The following IPO11 variants were observed in gnomAD, a reference collection of about 807,000 sequenced individuals.
The protein encoded by IPO11 is importin 11, also known as importin-11.
IPO11 carries 66 observed loss-of-function variants against 143.2 expected under a neutral mutation model. The ratio of observed to expected loss-of-function variants is 0.46; its 90% CI spans 0.38 to 0.57. IPO11 has a LOEUF of 0.57. Ranked by LOEUF, IPO11 falls within the 20% of genes least tolerant of loss-of-function variation. The pLI, the probability that IPO11 is intolerant of heterozygous loss-of-function variation, is 0.00. For synonymous variants in IPO11, 385 were observed against 377.8 expected, an observed-to-expected ratio of 1.02 and a Z score of -0.22; for missense variants, 1,026 against 1,141.0, an observed-to-expected ratio of 0.90 and a Z score of 1.45.
At chr5:62,440,010 A>G (rs1744407420) in intron 2 of IPO11, among the ~76,000 whole-genome samples, 1 of 152,216 alleles carries the variant, frequency 6.6e-6, no homozygotes, top group Non-Finnish European at 1.5e-5. Flanking sequence ...GAGATCCACC[A>G]ACTTCCACAA....
intron 27 of IPO11, among the ~76,000 whole-genome samples, chr5:62,588,868 T>C (rs1190841915): frequency 6.6e-6 from 1 of 152,210 alleles, no homozygotes; most frequent in African/African-American, 2.4e-5. Flanking sequence ...CTTTTTGTCT[T>C]TGGTCAAGGC....
intron 21 of IPO11, among the ~76,000 whole-genome samples, chr5:62,527,758 GA>G (rs1281229123): frequency 6.6e-6 from 1 of 152,120 alleles, no homozygotes; most frequent in Non-Finnish European, 1.5e-5. Flanking sequence ...ATTATTAGGA[GA>G]AAATTTTTTT....
At chr5:62,514,913 A>ACTTT (rs141465222) in intron 19 of IPO11, among the ~76,000 whole-genome samples, 5,927 of 152,080 alleles carry the variant, frequency 0.039, 181 homozygotes, top group Non-Finnish European at 0.057. Context: ...TCATCATTGC[A>ACTTT]CTTCCCCTTT....
intron 29 of IPO11, among the ~76,000 whole-genome samples, chr5:62,604,870 A>G (rs1175063549): frequency 6.6e-6 from 1 of 152,188 alleles, no homozygotes; most frequent in East Asian, 1.9e-4. Flanking sequence ...AATACATGCT[A>G]ATTTTCCAAC....
At chr5:62,422,865 A>AT (rs541453694) in intron 1 of IPO11, among the ~76,000 whole-genome samples, 205 of 151,230 alleles carry the variant, frequency 1.4e-3, no homozygotes, top group Admixed American at 2.5e-3. Flanking sequence ...CAAGTCTTGG[A>AT]TTTTTTTTTG....
intron 3 of IPO11, among the ~76,000 whole-genome samples, chr5:62,445,573 C>T (rs1744691913): frequency 6.6e-6 from 1 of 151,910 alleles, no homozygotes; most frequent in Non-Finnish European, 1.5e-5. Context: ...CCCATACAAC[C>T]ATTCTATTTT....
At chr5:62,613,787 A>T (rs570470208) in intron 29 of IPO11, among the ~76,000 whole-genome samples, 1 of 152,104 alleles carries the variant, frequency 6.6e-6, no homozygotes, top group Non-Finnish European at 1.5e-5. Flanking sequence ...CCACCATACT[A>T]TAAGGAAGCC....
At chr5:62,478,956 C>CT (rs1363645219) in intron 9 of IPO11, among the ~76,000 whole-genome samples, 1 of 152,158 alleles carries the variant, frequency 6.6e-6, no homozygotes, top group African/African-American at 2.4e-5. Flanking sequence ...TTAAATTATA[C>CT]TTTAAGTTCT....
At position 62,443,142 on chromosome 5, in the gene IPO11, G is replaced by A. The variant is rs567053905; in HGVS notation, c.239+59G>A. On this transcript the variant is annotated intron_variant, in intron 3 of 29. Coordinates refer to ENST00000325324, the MANE Select transcript of IPO11 (RefSeq NM_016338.5). ...TAATCCTTCCCAAATTCAGGAAGGT[G>A]TAAGAATACTTGTTTATGTAAAAGG... 16 of 1,075,452 alleles carry A rather than the reference G, an allele frequency of 1.5e-5. No homozygotes were observed. The African/African-American group carries it at 1.9e-4, about 13-fold the overall frequency. The allele number at this position is 1,075,452 out of a possible 1,614,324, so 66.6% of individuals were successfully genotyped here.
intron 5 of IPO11, among the ~76,000 whole-genome samples, chr5:62,461,500 A>C (rs1745355036): frequency 6.6e-6 from 1 of 152,224 alleles, no homozygotes; most frequent in African/African-American, 2.4e-5. Flanking sequence ...GCCTCACTAA[A>C]GTTTGGTTAA....
At chr5:62,564,132 T>G (rs1466712014) in intron 27 of IPO11, among the ~76,000 whole-genome samples, 1 of 152,116 alleles carries the variant, frequency 6.6e-6, no homozygotes, top group African/African-American at 2.4e-5. Flanking sequence ...ATAATATCCT[T>G]AATAGACTAG....
chr5:62,428,230 A>G (rs906657573), intron 1 of IPO11, among the ~76,000 whole-genome samples: 2 of 152,018 alleles, frequency 1.3e-5, no homozygotes, highest in Admixed American at 6.6e-5. Context: ...TGGTGTCATT[A>G]TGTTACCGAG....
At chr5:62,442,107 G>A (rs775766221) in intron 2 of IPO11, among the ~76,000 whole-genome samples, 2 of 152,154 alleles carry the variant, frequency 1.3e-5, no homozygotes, top group African/African-American at 4.8e-5. Flanking sequence ...ACCTCCCAAA[G>A]TGCTGGGATT....
chr5:62,541,101 G>A (rs1056506352), intron 24 of IPO11, among the ~76,000 whole-genome samples: 18 of 152,168 alleles, frequency 1.2e-4, no homozygotes, highest in African/African-American at 7.2e-5. Context: ...GCCAGGTGCC[G>A]TGGCTCAGGC....
intron 24 of IPO11, among the ~76,000 whole-genome samples, chr5:62,538,648 C>T (rs546586025): frequency 2.0e-5 from 3 of 152,318 alleles, no homozygotes. Context: ...CTCAATTAAA[C>T]CTCTTTCCTT....
chr5:62,560,571 A>C (rs993370987), intron 26 of IPO11: 2 of 152,262 alleles, frequency 1.3e-5, no homozygotes, highest in African/African-American at 4.8e-5. Flanking sequence ...ACCTTAGCCT[A>C]GCAGAGTTTA....
At chr5:62,579,745 G>C in intron 27 of IPO11, 4 of 1,547,306 alleles carry the variant, frequency 2.6e-6, no homozygotes, top group Non-Finnish European at 3.5e-6. Flanking sequence ...ATATCCAAAA[G>C]CCTTTGTTCA....
At chr5:62,596,925 A>C (rs1409370742) in intron 28 of IPO11, among the ~76,000 whole-genome samples, 4 of 152,162 alleles carry the variant, frequency 2.6e-5, no homozygotes, top group African/African-American at 9.7e-5. Context: ...CTTGACTAAT[A>C]ATATTTCTGC....
At chr5:62,437,180 T>A (rs1022850254) in intron 1 of IPO11, 94 bp from the exon 2 acceptor site, 2 of 983,802 alleles carry the variant, frequency 2.0e-6, no homozygotes, top group African/African-American at 3.3e-5. Context: ...TGGGAGTAAT[T>A]CAGAACATGA....
Sources: gnomAD v4.1 joint callset for allele counts (sites outside exome capture counted in the v4.1 genomes callset) on GRCh38, gnomAD v4.1.1 for gene constraint, MANE v1.5 for transcripts, NCBI Gene and HGNC (gene_info 2026-07-23, HGNC 2026-07-21) for gene names.